The following HNRNPR variants were observed in gnomAD, a reference collection of about 807,000 sequenced individuals.
HNRNPR encodes the protein heterogeneous nuclear ribonucleoprotein R.
HNRNPR carries 4 observed loss-of-function variants against 70.3 expected under a neutral mutation model. The observed-to-expected ratio is 0.06, with a 90% CI of 0.03 to 0.13. The LOEUF (loss-of-function observed/expected upper bound fraction) is 0.13, where lower values mean the gene tolerates loss of function less well. Among genes scored for constraint, HNRNPR ranks in the 10% least tolerant of loss-of-function variants. The pLI is 1.00. For synonymous variants in HNRNPR, 241 were observed against 267.6 expected, an observed-to-expected ratio of 0.90 and a Z score of 0.97; for missense variants, 423 against 788.5, an observed-to-expected ratio of 0.54 and a Z score of 5.55.
intron 1 of HNRNPR, among the ~76,000 whole-genome samples, chr1:23,343,302 A>G (rs1646774859): frequency 6.6e-6 from 1 of 152,188 alleles, no homozygotes; most frequent in African/African-American, 2.4e-5. Context: ...AATTCTTCAT[A>G]TTAAGAGACG....
In HNRNPR at chr1:23,308,536, T is replaced by G. The variant is rs1236997517; in HGVS notation, c.*1918A>C. 1 of 152,070 alleles carries G rather than the reference T, an allele frequency of 6.6e-6. No individual in the cohort carries two copies. Among genetic ancestry groups the G allele is most frequent in the Admixed American group, 6.5e-5 (1 of 15,278 alleles). 9.4% of individuals were successfully genotyped at this position (152,070 alleles called of 1,614,324 possible). A position where few individuals can be genotyped will look rare whatever the true frequency, so the allele number is the denominator to read the frequency against. On this transcript the variant is annotated 3_prime_UTR_variant, in exon 11 of 11. Transcript: ENST00000302271. Reference sequence around the variant, plus strand: ...TGTTTGGTGTCTTTACTTGCATACATGGGCATAAGAAAAACAACTGGATCT... The same window carrying G: ...TGTTTGGTGTCTTTACTTGCATACAGGGGCATAAGAAAAACAACTGGATCT...
Position 23,318,004 on chromosome 1 carries a change from T to C in HNRNPR, c.1017+479A>G, listed in dbSNP as rs1441506323. On this transcript the variant is annotated intron_variant, in intron 8 of 10. Transcript: ENST00000302271. This position sits in a 1 kb window ranked among gnomAD's most constrained non-coding sequence, Gnocchi z 4.2. ...CAAAAAATAATAATAATAAATAAAA[T>C]ATTTTTAAAAATAAAAACTACAAAA... is the stretch of plus-strand genomic sequence containing the variant. Among the ~76,000 whole-genome samples the C allele has an allele frequency of 1.3e-5, 2 of 150,594 alleles. No individual in the cohort carries two copies. The highest frequency in any genetic ancestry group is 1.3e-4 in the Admixed American group (2 of 15,156).
At chr1:23,316,009 G>A (rs1319694276) in intron 8 of HNRNPR, among the ~76,000 whole-genome samples, 1 of 152,012 alleles carries the variant, frequency 6.6e-6, no homozygotes, top group Non-Finnish European at 1.5e-5. Flanking sequence ...CAGGAAAAAG[G>A]GTCCCTTTAA....
Position 23,310,684 on chromosome 1 carries a change from A to G in HNRNPR, c.1672T>C (p.Ser558Pro), listed in dbSNP as rs1481008059. The G allele has an allele frequency of 6.2e-7, 1 of 1,613,174 alleles. No individual in the cohort carries two copies. Among genetic ancestry groups the G allele is most frequent in the Non-Finnish European group, 8.5e-7 (1 of 1,179,686 alleles). Residue 558 changes from serine (S) to proline (P), a missense_variant, in exon 11 of 11, where the codon TCC (serine) becomes CCC (proline). By Grantham distance (74) the Ser-to-Pro change is moderately conservative. Around this residue, in one of 7 missense-constraint regions of HNRNPR, gnomAD observed 169 missense variants for 195.6 expected, o/e 0.86. Coordinates refer to ENST00000302271, the MANE Select transcript of HNRNPR (RefSeq NM_005826.5). This position sits in a 1 kb window ranked among gnomAD's most constrained non-coding sequence, Gnocchi z 6.0. ...CCACGATTGCCCCGAGATCCACGGG[A>G]ACCACGGCCTCTCTGCTGTTGAGCA... ...GPAQQQRGRG[S>P]RGSRGNRGGN...
At chr1:23,324,663 T>C (rs926755326) in intron 5 of HNRNPR, among the ~76,000 whole-genome samples, 2 of 152,138 alleles carry the variant, frequency 1.3e-5, no homozygotes, top group Non-Finnish European at 2.9e-5. Context: ...TATTAAATAT[T>C]AAATTTTAAG....
intron 7 of HNRNPR, among the ~76,000 whole-genome samples, chr1:23,319,411 A>G (rs867878126): frequency 6.6e-6 from 1 of 152,296 alleles, no homozygotes; most frequent in African/African-American, 2.4e-5. Context: ...AGTGCCATCC[A>G]CCTGGTTCTG....
At chr1:23,312,024 C>T (rs1312831680) in intron 9 of HNRNPR, 1 of 152,208 alleles carries the variant, frequency 6.6e-6, no homozygotes, top group Non-Finnish European at 1.5e-5. Flanking sequence ...ACCTAACAAC[C>T]TCTGCCATAC....
In HNRNPR at chr1:23,338,559, CCT is replaced by C. The variant is rs757306126; in HGVS notation, c.205_206del (p.Arg69GlyfsTer3). On this transcript the variant is annotated frameshift_variant, in exon 3 of 11. Coordinates refer to ENST00000302271, the MANE Select transcript of HNRNPR (RefSeq NM_005826.5). LOFTEE classifies it high-confidence loss of function. ...DLDERAIDAL[R>X]EFNEEGALSV... is the part of the protein sequence containing the mutation. Reference sequence around the variant, plus strand: ...ACAGAGCTCCTTCTTCATTAAATTCCCTGAGAGCATCAATTGCTCTTTCATCA... The same window carrying C: ...ACAGAGCTCCTTCTTCATTAAATTCCGAGAGCATCAATTGCTCTTTCATCA... 1 of 1,600,512 alleles carries C rather than the reference CCT, an allele frequency of 6.2e-7. No individual in the cohort carries two copies. The highest frequency in any genetic ancestry group is 8.5e-7 in the Non-Finnish European group (1 of 1,173,554).
intron 2 of HNRNPR, 52 bp downstream of exon 2, chr1:23,340,800 T>C: frequency 1.4e-6 from 2 of 1,380,828 alleles, no homozygotes; most frequent in South Asian, 2.7e-5. Context: ...AAATTCAAAG[T>C]GGTTTGCCCT....
intron 5 of HNRNPR, among the ~76,000 whole-genome samples, chr1:23,324,492 C>T (rs1182068250): frequency 2.0e-5 from 3 of 151,900 alleles, no homozygotes; most frequent in South Asian, 2.1e-4. Context: ...GGCGTGAGCC[C>T]GGGAGGTGGA....
chr1:23,311,348 T>A, intron 9 of HNRNPR, 26 bp from the exon 10 acceptor site: 10 of 1,412,054 alleles, frequency 7.1e-6, no homozygotes, highest in Non-Finnish European at 9.9e-6. Context: ...AAAATTATTT[T>A]ACAACGATAT....
At chr1:23,323,151 T>G (rs1211874064) in intron 6 of HNRNPR, among the ~76,000 whole-genome samples, 1 of 152,236 alleles carries the variant, frequency 6.6e-6, no homozygotes, top group Non-Finnish European at 1.5e-5. Flanking sequence ...AATTGAATCC[T>G]AAGTCACTGT....
chr1:23,322,043 C>T (rs1645780022), intron 6 of HNRNPR, among the ~76,000 whole-genome samples: 1 of 152,022 alleles, frequency 6.6e-6, no homozygotes, highest in African/African-American at 2.4e-5. Context: ...CTCAAAATAA[C>T]AATATGTAAA....
At chr1:23,333,414 T>A in intron 5 of HNRNPR, 104 bp downstream of exon 5, 1 of 649,128 alleles carries the variant, frequency 1.5e-6, no homozygotes, top group Non-Finnish European at 2.8e-6. Flanking sequence ...CAGCTACACT[T>A]TGAAAGGGAT....
rs781723529 is a variant in HNRNPR at position 23,318,442 on chromosome 1, TA to T, written c.1017+40del. The T allele has an allele frequency of 2.3e-4, 351 of 1,493,796 alleles. No individual in the cohort carries two copies. The highest frequency in any genetic ancestry group is 3.1e-4 in the Non-Finnish European group (336 of 1,075,456). The allele number at this position is 1,493,796 out of a possible 1,614,324, so 92.5% of individuals were successfully genotyped here. On this transcript the variant is annotated intron_variant, in intron 8 of 10. Transcript: ENST00000302271. The surrounding 1 kb of genome is among the most constrained non-coding windows in gnomAD (Gnocchi z 4.2). Reference sequence around the variant, plus strand: ...TGAGCTTTATTCTGAGTACAAAATTTAAATGATGACCCTATGCCCATTCCAA... The same window carrying T: ...TGAGCTTTATTCTGAGTACAAAATTTAATGATGACCCTATGCCCATTCCAA...
intron 5 of HNRNPR, 138 bp downstream of exon 5, chr1:23,333,366 TGGCAGCAAAATACA>T: frequency 8.9e-6 from 5 of 563,070 alleles, no homozygotes; most frequent in Non-Finnish European, 1.6e-5. Flanking sequence ...ATCCTCATGA[TGGCAGCAAAATACA>T]AATGGATATC....
intron 5 of HNRNPR, among the ~76,000 whole-genome samples, chr1:23,327,385 CAGACA>C (rs943670175): frequency 6.6e-6 from 1 of 152,140 alleles, no homozygotes; most frequent in Non-Finnish European, 1.5e-5. Context: ...CTGAGAGAGA[CAGACA>C]AAAGTAAACA....
chr1:23,338,573 T>C lies in HNRNPR; in HGVS notation c.193A>G (p.Ile65Val). The C allele has an allele frequency of 1.3e-6, 2 of 1,597,566 alleles. No homozygotes were observed. Among genetic ancestry groups the C allele is most frequent in the South Asian group, 1.1e-5 (1 of 88,704 alleles). The change falls in exon 3 of 11, where the codon ATT becomes GTT. Residue 65 changes from isoleucine to valine, a missense_variant. Physicochemically the swap from Ile to Val is conservative, Grantham distance 29. Coordinates refer to ENST00000302271, the MANE Select transcript of HNRNPR (RefSeq NM_005826.5). ...VAYVDLDERA[I>V]DALREFNEEG... ...TCATTAAATTCCCTGAGAGCATCAA[T>C]TGCTCTTTCATCAAGATCGACATAA...
intron 1 of HNRNPR, among the ~76,000 whole-genome samples, chr1:23,342,373 T>A (rs528456733): frequency 2.0e-5 from 3 of 152,286 alleles, no homozygotes; most frequent in South Asian, 4.1e-4. Flanking sequence ...AAAGGATTAC[T>A]CTGAAAATGA....
Sources: gnomAD v4.1 joint callset for allele counts (sites outside exome capture counted in the v4.1 genomes callset) on GRCh38, gnomAD v4.1.1 for gene constraint, gnomAD v4.1.1 regional missense constraint, Gnocchi (gnomAD v3.1) non-coding constraint, MANE v1.5 for transcripts, NCBI Gene and HGNC (gene_info 2026-07-23, HGNC 2026-07-21) for gene names.